EIF4G1: variants seen among roughly 807,000 people sequenced by gnomAD.
EIF4G1 encodes EIF4-gamma.
A neutral mutation model predicts 187.8 loss-of-function variants in EIF4G1; 4 were observed. The observed-to-expected ratio is 0.02, with a 90% CI of 0.01 to 0.05. The LOEUF is 0.05. EIF4G1 is among the 10% of genes least tolerant of loss of function. The pLI is 1.00. For missense variants in EIF4G1, 1,647 were observed against 2,081.1 expected (o/e 0.79, Z 4.06); for synonymous variants, 844 against 781.4 (o/e 1.08, Z -1.34).
rs769236374 is a variant in EIF4G1, at chr3:184,325,243, T to C, written c.2857-26T>C. On this transcript the variant is annotated intron_variant, in intron 18 of 32. Transcript: ENST00000346169. The surrounding 1 kb of genome is among the most constrained non-coding windows in gnomAD (Gnocchi z 5.2). ...TTATAGGTGGGACATGAGAAGTTCC[T>C]GGTCTGATGCCTTTCTCCTTCCTAG... 3.1e-6 allele frequency: 5 copies of C among 1,613,452 alleles called. No individual in the cohort carries two copies. The highest frequency in any genetic ancestry group is 4.2e-6 in the Non-Finnish European group (5 of 1,179,398).
Position 184,322,565 on chromosome 3 carries a change from G to A in EIF4G1, c.1630G>A (p.Val544Met), listed in dbSNP as rs201832636. Residue 544 changes from valine to methionine, a missense_variant, in exon 12 of 33, where the codon GTG (valine) becomes ATG (methionine). Around this residue, in one of 11 missense-constraint regions of EIF4G1, gnomAD observed 522 missense variants for 485.2 expected, o/e 1.08. Coordinates refer to ENST00000346169, the MANE Select transcript of EIF4G1 (RefSeq NM_198241.3). ...CTAGGCGAACCCGGCAGTACCAGAG[G>A]TGGAAAATCAGCCTCCTGCAGGCAG... is the stretch of plus-strand genomic sequence containing the variant. The part of the protein sequence containing the change: ...FKEANPAVPE[V>M]ENQPPAGSNP... The A allele has an allele frequency of 2.4e-5, 39 of 1,614,080 alleles. No homozygotes were observed. The highest frequency in any genetic ancestry group is 3.4e-6 in the Non-Finnish European group (4 of 1,180,052).
intron 23 of EIF4G1, 108 bp downstream of exon 23, chr3:184,327,091 T>G: frequency 6.4e-7 from 1 of 1,564,324 alleles, no homozygotes; most frequent in Non-Finnish European, 8.8e-7. Flanking sequence ...GTTGGAGCCC[T>G]TGGGTTAGAT....
Position 184,323,755 on chromosome 3 carries a change from G to A in EIF4G1, c.2275-25G>A, listed in dbSNP as rs778058346. ...ACAGCCTGTTCTGAGACCCTCACTG[G>A]AACTCTTGTCTCTTCTCCCTCCAGG... On this transcript the variant is annotated intron_variant, in intron 15 of 32. Transcript: ENST00000346169. This position sits in a 1 kb window ranked among gnomAD's most constrained non-coding sequence, Gnocchi z 6.9. 2.5e-6 allele frequency: 4 copies of A among 1,612,744 alleles called. No individual in the cohort carries two copies. The highest frequency in any genetic ancestry group is 1.3e-5 in the African/African-American group (1 of 74,878).
intron 1 of EIF4G1, chr3:184,315,158 C>T: frequency 2.9e-6 from 1 of 347,458 alleles, no homozygotes. Flanking sequence ...CCCTCCGGGC[C>T]GACCCTCACT....
chr3:184,331,883 T>C (rs968972061), intron 31 of EIF4G1, 63 bp from the exon 32 acceptor site: 36 of 1,613,716 alleles, frequency 2.2e-5, no homozygotes, highest in Non-Finnish European at 3.1e-5. Flanking sequence ...GTGTCAGCCT[T>C]GGCCTCCCAG....
At position 184,327,621 on chromosome 3, in the gene EIF4G1, C is replaced by G. The variant is rs780223766; in HGVS notation, c.3697C>G (p.Leu1233Val). ...AGCTGCCCTACCCCCAGTGAGCCCC[C>G]TGAAGGCGGCTCTCTCTGAGGAGGA... ...REAALPPVSP[L>V]KAALSEEELE... Residue 1233 changes from leucine to valine, a missense_variant, in exon 25 of 33, where the codon CTG becomes GTG. Leu to Val is a conservative substitution (Grantham distance 32). Coordinates refer to ENST00000346169, the MANE Select transcript of EIF4G1 (RefSeq NM_198241.3). 3 of 1,614,176 alleles carry G rather than the reference C, an allele frequency of 1.9e-6. No homozygotes were observed. The highest frequency in any genetic ancestry group is 2.5e-6 in the Non-Finnish European group (3 of 1,180,010).
rs762376108 is a variant in EIF4G1 at position 184,322,033 on chromosome 3, G to A, written c.1449G>A (p.Leu483=). 3.1e-6 allele frequency: 5 copies of A among 1,614,010 alleles called. No individual in the cohort carries two copies. The highest frequency in any genetic ancestry group is 2.7e-5 in the African/African-American group (2 of 74,926). Residue 483 remains leucine, a synonymous_variant, in exon 10 of 33, where the codon CTG becomes CTA. Coordinates refer to ENST00000346169, the MANE Select transcript of EIF4G1 (RefSeq NM_198241.3). ...EAESEKGGEE[L]LPPESTPIPA... is the part of the protein sequence containing the mutation. ...AGAGTGAGAAAGGAGGAGAGGAACTGCTCCCCCCAGAGAGTACCCCTATTC... is the reference window on the plus strand; with the variant it reads ...AGAGTGAGAAAGGAGGAGAGGAACTACTCCCCCCAGAGAGTACCCCTATTC...
At chr3:184,320,873 A>G (rs1723778118) in intron 8 of EIF4G1, 54 bp from the exon 9 acceptor site, 1 of 1,612,060 alleles carries the variant, frequency 6.2e-7, no homozygotes, top group Middle Eastern at 1.7e-4. Flanking sequence ...GCTCTAGTAA[A>G]GAAGGGTTGT....
Position 184,323,372 on chromosome 3 carries a change from C to T in EIF4G1, c.2089-36C>T, listed in dbSNP as rs762494427. ...GTGTCACATATTGTGCTGACTAGTT[C>T]CATGTCCCCTCTTGTCTTCATCCCT... On this transcript the variant is annotated intron_variant, in intron 14 of 32. Transcript: ENST00000346169. The surrounding 1 kb of genome is among the most constrained non-coding windows in gnomAD (Gnocchi z 6.9). 7 of 1,613,592 alleles carry T rather than the reference C, an allele frequency of 4.3e-6. No homozygotes were observed. Among genetic ancestry groups the T allele is most frequent in the African/African-American group, 1.3e-5 (1 of 74,888 alleles).
At chr3:184,315,138 G>A in intron 1 of EIF4G1, 1 of 341,248 alleles carries the variant, frequency 2.9e-6, no homozygotes, top group Non-Finnish European at 5.8e-6. Flanking sequence ...GGAGCCCCCG[G>A]CCCCGCCCGC....
rs759120156 is a variant in EIF4G1 at position 184,327,823 on chromosome 3, C to G, written c.3781-7C>G. 1 of 1,614,042 alleles carries G rather than the reference C, an allele frequency of 6.2e-7. No homozygotes were observed. Among genetic ancestry groups the G allele is most frequent in the South Asian group, 1.1e-5 (1 of 91,078 alleles). On this transcript the variant is annotated splice_polypyrimidine_tract_variant and splice_region_variant and intron_variant, in intron 25 of 32. Coordinates refer to ENST00000346169, the MANE Select transcript of EIF4G1 (RefSeq NM_198241.3). Reference sequence around the variant, plus strand: ...GGTCTCTTCCTGCTGTGCCCTGCACCCCTCAGGAGGCAGTCCAGTGCGTGC... The same window carrying G: ...GGTCTCTTCCTGCTGTGCCCTGCACGCCTCAGGAGGCAGTCCAGTGCGTGC...
At chr3:184,316,253 G>A in intron 4 of EIF4G1, 35 bp downstream of exon 4, 2 of 1,611,772 alleles carry the variant, frequency 1.2e-6, no homozygotes, top group Non-Finnish European at 1.7e-6. Flanking sequence ...AGGGGACCTG[G>A]GTGGGAGCAG....
chr3:184,321,017 CT>C (rs1723808520), intron 9 of EIF4G1, 24 bp downstream of exon 9: 2 of 1,611,518 alleles, frequency 1.2e-6, no homozygotes, highest in Non-Finnish European at 8.5e-7. Flanking sequence ...TGGGACGGAG[CT>C]TTTATGGGGA....
chr3:184,334,647 TGGAAC>T lies in EIF4G1; in HGVS notation c.4619-79_4619-75del. 2 of 1,572,836 alleles carry T rather than the reference TGGAAC, an allele frequency of 1.3e-6. No individual in the cohort carries two copies. The highest frequency in any genetic ancestry group is 1.7e-6 in the Non-Finnish European group (2 of 1,145,094). On this transcript the variant is annotated intron_variant, in intron 32 of 32. Transcript: ENST00000346169. The surrounding 1 kb of genome is among the most constrained non-coding windows in gnomAD (Gnocchi z 5.8). ...GTGCATCAGGGCCTTGTTTGAACAG[TGGAAC>T]TTGGGAGGGTTCCCTGGGGTGGGCT...
rs751805056 is a variant in EIF4G1, at chr3:184,321,745, C to T, written c.1161C>T (p.Pro387=). The part of the protein sequence containing the change: ...SPELAPPPAC[P]SESPVPIAPT... ...AGCTTGCTCCTCCCCCAGCTTGCCC[C>T]TCCGAATCCCCTGTGCCCATTGCTC... Residue 387 remains proline, a synonymous_variant, in exon 10 of 33, where the codon CCC becomes CCT. Transcript: ENST00000346169. 6.2e-7 allele frequency: 1 copy of T among 1,600,672 alleles called. No homozygotes were observed. Among genetic ancestry groups the T allele is most frequent in the Middle Eastern group, 1.7e-4 (1 of 6,010 alleles).
rs559832940 is a variant in EIF4G1 at position 184,323,993 on chromosome 3, G to A, written c.2472+16G>A. The A allele has an allele frequency of 3.2e-5, 51 of 1,613,376 alleles. 1 individual carries two copies. The South Asian group carries it at 4.0e-4, about 13-fold the overall frequency. Reference sequence around the variant, plus strand: ...CCTCATGGCGGTTAGTTTCCAGTGGGTTCTAAATCTAATGGTCTGGTTGCC... The same window carrying A: ...CCTCATGGCGGTTAGTTTCCAGTGGATTCTAAATCTAATGGTCTGGTTGCC... On this transcript the variant is annotated intron_variant, in intron 16 of 32. Coordinates refer to ENST00000346169, the MANE Select transcript of EIF4G1 (RefSeq NM_198241.3). The surrounding 1 kb of genome is among the most constrained non-coding windows in gnomAD (Gnocchi z 6.9).
rs1725381981 is a variant in EIF4G1, at chr3:184,328,416, G to A, written c.3954-215G>A. 3 of 719,048 alleles carry A rather than the reference G, an allele frequency of 4.2e-6. No homozygotes were observed. In the East Asian group the frequency reaches 7.7e-5, roughly 18 times the overall value. 44.5% of individuals were successfully genotyped at this position (719,048 alleles called of 1,614,324 possible). A position where few individuals can be genotyped will look rare whatever the true frequency, so the allele number is the denominator to read the frequency against. ...AAAAAAAAACCAAAAAACAGTATGGGTTCCTTGACCATCCTGGTCAGCATA... is the reference window on the plus strand; with the variant it reads ...AAAAAAAAACCAAAAAACAGTATGGATTCCTTGACCATCCTGGTCAGCATA... On this transcript the variant is annotated intron_variant, in intron 26 of 32. Transcript: ENST00000346169.
In EIF4G1 at chr3:184,326,863, G is replaced by C. The variant is rs977395449; in HGVS notation, c.3326-18G>C. On this transcript the variant is annotated intron_variant, in intron 22 of 32. Transcript: ENST00000346169. ...GAAAGGAGAAAAAGATTTTAATACG[G>C]ATTTTCTGCATCCCCAGCATCAGAA... The C allele has an allele frequency of 3.1e-6, 5 of 1,613,844 alleles. No homozygotes were observed. In the African/African-American group the frequency reaches 6.7e-5, roughly 22 times the overall value.
chr3:184,319,578 G>C (rs1723488284), intron 6 of EIF4G1, 111 bp from the exon 7 acceptor site: 2 of 760,142 alleles, frequency 2.6e-6, no homozygotes, highest in Middle Eastern at 3.4e-4. Context: ...GCAAGGCAAG[G>C]GGCCGGCTGT....
Sources: allele counts gnomAD v4.1 joint callset, GRCh38; gene constraint gnomAD v4.1.1; regional missense constraint gnomAD v4.1.1; non-coding constraint Gnocchi (gnomAD v3.1); transcripts MANE v1.5; gene names NCBI Gene and HGNC (gene_info 2026-07-23, HGNC 2026-07-21).